MICALL2: variants seen among roughly 807,000 people sequenced by gnomAD.
The protein encoded by MICALL2 is MICAL-like protein 2.
In MICALL2, 111 loss-of-function variants were observed where a neutral mutation model predicts 91.1. The ratio of observed to expected loss-of-function variants is 1.22; its 90% confidence interval spans 1.04 to 1.43. MICALL2 has a LOEUF of 1.43. Ranked by LOEUF, MICALL2 falls within the 40% of genes most tolerant of loss-of-function variation. The pLI is 0.00. For synonymous variants in MICALL2, 694 were observed against 525.3 expected (o/e 1.32, Z -4.39); for missense variants, 1,556 against 1,236.0 (o/e 1.26, Z -3.88).
At chr7:1,441,994 G>A in intron 7 of MICALL2, 198 bp downstream of exon 7, 3 of 663,292 alleles carry the variant, frequency 4.5e-6, no homozygotes, top group African/African-American at 1.8e-5. Flanking sequence ...ATAGCCCTGA[G>A]GACATTTGCA....
chr7:1,442,406 C>T lies in MICALL2; in HGVS notation c.1497G>A (p.Pro499=), dbSNP rs145185736. 3.5e-4 allele frequency: 551 copies of T among 1,596,850 alleles called. 3 individuals carry two copies. Among genetic ancestry groups the T allele is most frequent in the Middle Eastern group, 2.7e-3 (16 of 5,970 alleles). The change falls in exon 7 of 17, where the codon CCG becomes CCA. Residue 499 remains proline (P), a synonymous_variant. Coordinates refer to ENST00000297508, the MANE Select transcript of MICALL2 (RefSeq NM_182924.4). ...EAPQASPLAK[P]LQSSSPRVLG... ...GCACCCGGGGAGACGAGGACTGTAA[C>T]GGCTTGGCTAAGGGACTTGCTTGTG...
intron 2 of MICALL2, among the ~76,000 whole-genome samples, chr7:1,449,328 T>G (rs973005221): frequency 6.6e-6 from 1 of 152,196 alleles, no homozygotes; most frequent in Non-Finnish European, 1.5e-5. Flanking sequence ...TTTATTATTA[T>G]GTTTTTGGAG....
intron 7 of MICALL2, 135 bp downstream of exon 7, chr7:1,442,057 C>G: frequency 9.7e-7 from 1 of 1,028,890 alleles, no homozygotes; most frequent in Non-Finnish European, 1.4e-6. Context: ...GCAGGTGTCA[C>G]GGAGGACAGA....
chr7:1,438,563 C>T (rs900530999), intron 10 of MICALL2: 102 of 1,425,032 alleles, frequency 7.2e-5, no homozygotes, highest in Middle Eastern at 2.6e-4. Flanking sequence ...ACCCTGCCCT[C>T]CTCCAGGTCA....
rs758058241 is a variant in MICALL2 at position 1,450,248 on chromosome 7, T to G, written c.184A>C (p.Asn62His). Reference protein sequence around the residue: ...ALKKENIYENNKLAFRVAEEH... With the variant: ...ALKKENIYENHKLAFRVAEEH... Reference sequence around the variant, plus strand: ...GGGCGGGGGCCACTCACCAGTTTATTGTTTTCATAAATATTTTCCTTCTTG... The same window carrying G: ...GGGCGGGGGCCACTCACCAGTTTATGGTTTTCATAAATATTTTCCTTCTTG... The change falls in exon 2 of 17, where the codon AAT (asparagine) becomes CAT (histidine). Residue 62 changes from asparagine (N) to histidine (H), a missense_variant. Asn to His is a moderately conservative substitution (Grantham distance 68, BLOSUM62 1). Transcript: ENST00000297508. 1 of 1,612,636 alleles carries G rather than the reference T, an allele frequency of 6.2e-7. No individual in the cohort carries two copies. The highest frequency in any genetic ancestry group is 2.2e-5 in the East Asian group (1 of 44,876).
At chr7:1,437,103 ACT>A (rs1780006342) in intron 14 of MICALL2, 1 of 485,544 alleles carries the variant, frequency 2.1e-6, no homozygotes, top group African/African-American at 2.0e-5. Flanking sequence ...AGATATGGAC[ACT>A]GAGGCTCAGG....
At chr7:1,434,985 G>GGGGCC in intron 16 of MICALL2, 116 bp downstream of exon 16, 2 of 255,658 alleles carry the variant, frequency 7.8e-6, no homozygotes, top group East Asian at 2.3e-4. Flanking sequence ...CCCGATACCC[G>GGGGCC]CCCCCCCCCC....
At chr7:1,437,037 G>C (rs1171986623) in intron 14 of MICALL2, 181 bp from the exon 15 acceptor site, 1 of 518,686 alleles carries the variant, frequency 1.9e-6, no homozygotes, top group African/African-American at 2.0e-5. Context: ...GGCCACGTCA[G>C]AGCCCGTGTG....
chr7:1,435,347 C>T (rs1779914841), intron 15 of MICALL2, among the ~76,000 whole-genome samples, 200 bp from the exon 16 acceptor site: 1 of 152,200 alleles, frequency 6.6e-6, no homozygotes, highest in African/African-American at 2.4e-5. Flanking sequence ...CAGAGCCAGC[C>T]CCTCAACAGT....
At chr7:1,447,532 G>T (rs1386042505) in intron 4 of MICALL2, 43 bp downstream of exon 4, 2 of 1,245,542 alleles carry the variant, frequency 1.6e-6, no homozygotes, top group South Asian at 3.1e-5. Context: ...ACCCCCCGGT[G>T]GAAAACCCAG....
In MICALL2 at chr7:1,440,118, C is replaced by T. The variant is rs375763670; in HGVS notation, c.1806-33G>A. ...GAAGGCATGAGGTCGGAACCCGAAC[C>T]ACCAGCCCCAGGGCCTGGCCCACCT... is the stretch of plus-strand genomic sequence containing the variant. On this transcript the variant is annotated intron_variant, in intron 8 of 16. Coordinates refer to ENST00000297508, the MANE Select transcript of MICALL2 (RefSeq NM_182924.4). 39 of 1,559,106 alleles carry T rather than the reference C, an allele frequency of 2.5e-5. No homozygotes were observed. The African/African-American group carries it at 5.3e-4, about 21-fold the overall frequency.
chr7:1,442,582 A>C, intron 6 of MICALL2, 98 bp from the exon 7 acceptor site: 5 of 1,219,576 alleles, frequency 4.1e-6, no homozygotes, highest in Non-Finnish European at 4.5e-6. Flanking sequence ...CTCACTCCCA[A>C]TGCCCAGCCT....
At position 1,438,957 on chromosome 7, in the gene MICALL2, C is replaced by T. The variant is rs369197156; in HGVS notation, c.2005G>A (p.Val669Ile). The change falls in exon 10 of 17, where the codon GTC (valine) becomes ATC (isoleucine). Residue 669 changes from valine (V) to isoleucine (I), a missense_variant. Val to Ile is a conservative substitution (Grantham distance 29, BLOSUM62 3). Coordinates refer to ENST00000297508, the MANE Select transcript of MICALL2 (RefSeq NM_182924.4). The part of the protein sequence containing the change: ...PSPPRRRRLA[V>I]PASLDVCDNW... Reference sequence around the variant, plus strand: ...TCACAAACGTCGAGGCTGGCAGGGACGGCCAGTCTCCTGCGGCGGGGTGGG... The same window carrying T: ...TCACAAACGTCGAGGCTGGCAGGGATGGCCAGTCTCCTGCGGCGGGGTGGG... 80 of 1,602,116 alleles carry T rather than the reference C, an allele frequency of 5.0e-5. No homozygotes were observed. Among genetic ancestry groups the T allele is most frequent in the Non-Finnish European group, 6.4e-5 (75 of 1,179,092 alleles).
chr7:1,454,769 T>C (rs1004137371), intron 1 of MICALL2, among the ~76,000 whole-genome samples: 1 of 152,012 alleles, frequency 6.6e-6, no homozygotes, highest in Admixed American at 6.5e-5. Context: ...TGGGAGCTTC[T>C]GGGTGGGGGC....
In MICALL2 at chr7:1,459,330, G is replaced by GGCGGCGCGC; in HGVS notation, c.-13_-5dup. ...GCAGCGCCCTGATGGCCGCCATGTG[G>GGCGGCGCGC]GCGGCGCGCCCGCCGCGCGGCGGAA... On this transcript the variant is annotated 5_prime_UTR_variant, in exon 1 of 17. Transcript: ENST00000297508. The GGCGGCGCGC allele has an allele frequency of 6.6e-7, 1 of 1,524,834 alleles. No individual in the cohort carries two copies. The highest frequency in any genetic ancestry group is 8.8e-7 in the Non-Finnish European group (1 of 1,139,402). The allele number at this position is 1,524,834 out of a possible 1,614,324, so 94.5% of individuals were successfully genotyped here. A position where few individuals can be genotyped will look rare whatever the true frequency, so the allele number is the denominator to read the frequency against.
chr7:1,445,496 T>C, intron 5 of MICALL2, 68 bp from the exon 6 acceptor site: 1 of 1,394,234 alleles, frequency 7.2e-7, no homozygotes, highest in Non-Finnish European at 9.4e-7. Flanking sequence ...CACCACGTGC[T>C]CCTGATAGCA....
rs1222686938 is a variant in MICALL2, at chr7:1,452,878, C to T, written c.144-2590G>A. On this transcript the variant is annotated intron_variant, in intron 1 of 16. Transcript: ENST00000297508. The surrounding 1 kb of genome is among the most constrained non-coding windows in gnomAD (Gnocchi z 6.2). Reference sequence around the variant, plus strand: ...CCCGGCCGGTCCCACAGCCACCACCCATCCTGCCCCAAGCTCCTTCCCCAG... The same window carrying T: ...CCCGGCCGGTCCCACAGCCACCACCTATCCTGCCCCAAGCTCCTTCCCCAG... Among the ~76,000 whole-genome samples the T allele has an allele frequency of 6.6e-6, 1 of 152,128 alleles. No homozygotes were observed. Among genetic ancestry groups the T allele is most frequent in the African/African-American group, 2.4e-5 (1 of 41,418 alleles).
chr7:1,436,641 C>T, intron 15 of MICALL2, 101 bp downstream of exon 15: 1 of 788,244 alleles, frequency 1.3e-6, no homozygotes, highest in Non-Finnish European at 1.9e-6. Context: ...CAATAACCGC[C>T]TGGTCAGAAA....
In MICALL2 at chr7:1,445,350, G is replaced by A. The variant is rs1489802695; in HGVS notation, c.720C>T (p.Ser240=). Residue 240 remains serine (S), a synonymous_variant, in exon 6 of 17, where the codon AGC becomes AGT. Transcript: ENST00000297508. ...TTGCAGAGGCGGCTGCGGGGAGGTG[G>A]CTGGTGCAGACGAAGGTGCCCGGCT... ...TGEPGTFVCT[S]HLPAAASASP... The A allele has an allele frequency of 1.2e-6, 2 of 1,600,572 alleles. No homozygotes were observed. The highest frequency in any genetic ancestry group is 1.1e-5 in the South Asian group (1 of 90,114).
Sources: allele counts gnomAD v4.1 joint callset (sites outside exome capture counted in the v4.1 genomes callset), GRCh38; gene constraint gnomAD v4.1.1; non-coding constraint Gnocchi (gnomAD v3.1); transcripts MANE v1.5; gene names NCBI Gene and HGNC (gene_info 2026-07-23, HGNC 2026-07-21).